CSMD1: variants seen among roughly 807,000 people sequenced by gnomAD.
CSMD1 encodes the protein CUB and sushi domain-containing protein 1.
In CSMD1, 213 loss-of-function variants were observed where a neutral mutation model predicts 417.5. The ratio of observed to expected loss-of-function variants is 0.51; its 90% CI spans 0.46 to 0.57. The LOEUF (loss-of-function observed/expected upper bound fraction) is 0.57. Ranked by LOEUF, CSMD1 falls within the 20% of genes least tolerant of loss-of-function variation. The pLI is 0.00. For missense variants in CSMD1, 6,923 were observed against 4,529.7 expected (o/e 1.53, Z -15.17); for synonymous variants, 2,862 against 1,736.8 (o/e 1.65, Z -16.11).
At chr8:4,858,025 G>C (rs1051373420) in intron 1 of CSMD1, among the ~76,000 whole-genome samples, 2 of 152,080 alleles carry the variant, frequency 1.3e-5, no homozygotes. Context: ...GTAACATACT[G>C]GCAAAACGAA....
chr8:4,551,807 T>C (rs1467497334), intron 2 of CSMD1, among the ~76,000 whole-genome samples: 3 of 152,000 alleles, frequency 2.0e-5, no homozygotes, highest in Admixed American at 1.3e-4. Context: ...GCCTCCCTAG[T>C]AGCTGGGATA....
At chr8:4,556,673 A>C (rs1320105515) in intron 2 of CSMD1, among the ~76,000 whole-genome samples, 1 of 152,202 alleles carries the variant, frequency 6.6e-6, no homozygotes, top group African/African-American at 2.4e-5. Context: ...GCAAACAACA[A>C]AAGTTTTTTT....
At chr8:3,940,691 A>C (rs920297941) in intron 5 of CSMD1, among the ~76,000 whole-genome samples, 1 of 151,826 alleles carries the variant, frequency 6.6e-6, no homozygotes, top group Non-Finnish European at 1.5e-5. Flanking sequence ...ACATACCTAC[A>C]TTGCTTTTTA....
At chr8:3,879,468 C>T (rs527314857) in intron 5 of CSMD1, among the ~76,000 whole-genome samples, 2 of 152,224 alleles carry the variant, frequency 1.3e-5, no homozygotes, top group African/African-American at 2.4e-5. Context: ...TTTTGCTTCT[C>T]GTTTTGCTTA....
chr8:3,131,471 ATTT>A (rs36009515), intron 41 of CSMD1, among the ~76,000 whole-genome samples: 6 of 142,220 alleles, frequency 4.2e-5, no homozygotes, highest in Admixed American at 7.1e-5. Flanking sequence ...GCTAATACTA[ATTT>A]TTTTTTTTTT....
At chr8:4,923,905 T>G (rs1041424403) in intron 1 of CSMD1, among the ~76,000 whole-genome samples, 2 of 152,210 alleles carry the variant, frequency 1.3e-5, no homozygotes, top group African/African-American at 4.8e-5. Flanking sequence ...ATAGGTTTCT[T>G]TGGTTTGGGT....
chr8:4,182,075 G>T (rs1007265564), intron 3 of CSMD1, among the ~76,000 whole-genome samples: 2 of 151,118 alleles, frequency 1.3e-5, no homozygotes, highest in South Asian at 4.2e-4. Context: ...CCTAAATTAG[G>T]TATTTAAACC....
intron 6 of CSMD1, among the ~76,000 whole-genome samples, chr8:3,725,353 A>G (rs1802421523): frequency 6.6e-6 from 1 of 152,196 alleles, no homozygotes; most frequent in African/African-American, 2.4e-5. Context: ...ATGGACAGGG[A>G]AACAATGACA....
chr8:3,036,031 T>C (rs1810651041), intron 50 of CSMD1, among the ~76,000 whole-genome samples: 1 of 152,200 alleles, frequency 6.6e-6, no homozygotes, highest in African/African-American at 2.4e-5. Context: ...CCTTAAATTA[T>C]GCTTCCCAAA....
At chr8:3,879,610 A>G (rs1806068108) in intron 5 of CSMD1, among the ~76,000 whole-genome samples, 1 of 152,176 alleles carries the variant, frequency 6.6e-6, no homozygotes, top group Non-Finnish European at 1.5e-5. Context: ...ATTTGCTTTT[A>G]TTAACTGGTT....
intron 3 of CSMD1, among the ~76,000 whole-genome samples, chr8:4,145,949 G>A (rs538794427): frequency 6.6e-6 from 1 of 151,008 alleles, no homozygotes; most frequent in Admixed American, 6.6e-5. Flanking sequence ...TGACCACGCT[G>A]TTTCTTGTTA....
intron 1 of CSMD1, among the ~76,000 whole-genome samples, chr8:4,776,404 C>T (rs1284782054): frequency 6.6e-6 from 1 of 152,160 alleles, no homozygotes; most frequent in African/African-American, 2.4e-5. Flanking sequence ...TCAGGTTATT[C>T]TTATGGTGCC....
chr8:4,343,071 A>G (rs80186937), intron 3 of CSMD1, among the ~76,000 whole-genome samples: 2 of 152,132 alleles, frequency 1.3e-5, no homozygotes, highest in East Asian at 1.9e-4. Context: ...TGCCTTCAAC[A>G]TCACATGGTA....
intron 6 of CSMD1, among the ~76,000 whole-genome samples, chr8:3,717,219 G>C (rs952072104): frequency 6.6e-6 from 1 of 152,020 alleles, no homozygotes; most frequent in Non-Finnish European, 1.5e-5. Context: ...AATTATATTA[G>C]TAAACGTACC....
intron 5 of CSMD1, among the ~76,000 whole-genome samples, chr8:3,830,314 C>G (rs1378087489): frequency 6.6e-6 from 1 of 152,212 alleles, no homozygotes; most frequent in African/African-American, 2.4e-5. Context: ...TAAGCGTCAG[C>G]CTTCACTTGC....
intron 8 of CSMD1, among the ~76,000 whole-genome samples, chr8:3,594,835 C>G (rs1157126009): frequency 6.6e-6 from 1 of 152,194 alleles, no homozygotes; most frequent in Non-Finnish European, 1.5e-5. Context: ...ACCTTGAAAT[C>G]TCTCACAGCT....
intron 1 of CSMD1, among the ~76,000 whole-genome samples, chr8:4,979,462 G>T (rs766057289): frequency 2.6e-5 from 4 of 152,110 alleles, no homozygotes; most frequent in African/African-American, 4.8e-5. Context: ...GCCGTCAAAG[G>T]TACCTTTAGA....
At chr8:4,286,545 G>C (rs1455082764) in intron 3 of CSMD1, among the ~76,000 whole-genome samples, 1 of 152,042 alleles carries the variant, frequency 6.6e-6, no homozygotes, top group African/African-American at 2.4e-5. Context: ...TCATCATTAA[G>C]AACATGGGCA....
intron 51 of CSMD1, among the ~76,000 whole-genome samples, chr8:3,026,494 GCCTCACTGGA>G (rs199894384): frequency 0.015 from 2,320 of 151,572 alleles, 18 homozygotes; most frequent in East Asian, 0.037. Flanking sequence ...GCTTGACTGG[GCCTCACTGGA>G]CCTCACTGGA....
Sources: allele counts gnomAD v4.1 joint callset (sites outside exome capture counted in the v4.1 genomes callset), GRCh38; gene constraint gnomAD v4.1.1; transcripts MANE v1.5; gene names NCBI Gene and HGNC (gene_info 2026-07-23, HGNC 2026-07-21).